OPHN1: variants seen among roughly 807,000 people sequenced by gnomAD.
The protein encoded by OPHN1 is oligophrenin 1.
Under a neutral mutation model 60.7 loss-of-function variants are expected in OPHN1, and 11 were observed. That is an observed-to-expected ratio of 0.18 (90% CI 0.11 to 0.30). The LOEUF is 0.30. OPHN1 is among the 10% of genes least tolerant of loss of function. The pLI is 1.00. For missense variants in OPHN1, 449 were observed against 611.0 expected (o/e 0.73, Z 2.80); for synonymous variants, 226 against 222.6 (o/e 1.02, Z -0.14).
intron 2 of OPHN1, among the ~76,000 whole-genome samples, chrX:68,399,987 C>G (rs1489885005): frequency 9.1e-6 from 1 of 110,352 alleles, no homozygotes; most frequent in Non-Finnish European, 1.9e-5. Context: ...TGGTTGCTTT[C>G]TGTAACCAAT....
intron 5 of OPHN1, among the ~76,000 whole-genome samples, chrX:68,262,819 C>A (rs75468749): frequency 6.7e-5 from 6 of 89,316 alleles, no homozygotes; most frequent in African/African-American, 1.1e-4. Context: ...CAGGACAGGA[C>A]AAGAAAGGAA....
intron 15 of OPHN1, among the ~76,000 whole-genome samples, chrX:68,122,011 C>A (rs1398070734): frequency 9.1e-6 from 1 of 109,559 alleles, no homozygotes; most frequent in African/African-American, 3.3e-5. Context: ...CCCTAAATAA[C>A]CAGAAGCAAA....
At chrX:68,201,994 T>C (rs1442936130) in intron 10 of OPHN1, among the ~76,000 whole-genome samples, 1 of 111,726 alleles carries the variant, frequency 9.0e-6, no homozygotes, top group Non-Finnish European at 1.9e-5. Flanking sequence ...TCAATACATA[T>C]CATGTAAGGG....
At chrX:68,308,455 G>C (rs754204867) in intron 2 of OPHN1, among the ~76,000 whole-genome samples, 2 of 109,031 alleles carry the variant, frequency 1.8e-5, no homozygotes, top group Non-Finnish European at 3.8e-5. Flanking sequence ...AGGCAGGCGT[G>C]GTGGTGTGTG....
chrX:68,294,883 T>A (rs1174928521), intron 3 of OPHN1, among the ~76,000 whole-genome samples: 3 of 112,079 alleles, frequency 2.7e-5, no homozygotes, highest in Admixed American at 1.9e-4. Context: ...AAAGTGTCTG[T>A]TTCTCTCGTT....
At chrX:68,167,244 G>A (rs1189044818) in intron 15 of OPHN1, among the ~76,000 whole-genome samples, 1 of 111,228 alleles carries the variant, frequency 9.0e-6, no homozygotes, top group Non-Finnish European at 1.9e-5. Context: ...TATATGAAAA[G>A]GTGCTTAATG....
chrX:68,163,051 C>T (rs959821087), intron 15 of OPHN1, among the ~76,000 whole-genome samples: 3 of 110,757 alleles, frequency 2.7e-5, no homozygotes, highest in East Asian at 2.8e-4. Context: ...TAGGCTTTCG[C>T]GAACTCCAAC....
At chrX:68,316,849 T>G (rs1363023543) in intron 2 of OPHN1, among the ~76,000 whole-genome samples, 1 of 112,072 alleles carries the variant, frequency 8.9e-6, no homozygotes, top group Non-Finnish European at 1.9e-5. Flanking sequence ...CAATATAACA[T>G]TTATAAATTT....
intron 5 of OPHN1, among the ~76,000 whole-genome samples, chrX:68,260,520 T>G (rs1233139577): frequency 1.8e-5 from 2 of 111,241 alleles, no homozygotes; most frequent in East Asian, 5.6e-4. Context: ...AAATCTGTTT[T>G]AAACTAGCTT....
intron 15 of OPHN1, among the ~76,000 whole-genome samples, chrX:68,182,943 C>G (rs966759769): frequency 5.9e-4 from 66 of 111,701 alleles, no homozygotes; most frequent in African/African-American, 2.1e-3. Context: ...AACAGAGGCT[C>G]TGCCCAAGAA....
chrX:68,147,899 G>A (rs2077270280), intron 15 of OPHN1, among the ~76,000 whole-genome samples: 1 of 111,409 alleles, frequency 9.0e-6, no homozygotes, highest in African/African-American at 3.3e-5. Flanking sequence ...TGTAATCAAG[G>A]ATCTCTAAAG....
At chrX:68,183,347 T>C (rs2077447015) in intron 15 of OPHN1, among the ~76,000 whole-genome samples, 1 of 111,829 alleles carries the variant, frequency 8.9e-6, no homozygotes, top group Admixed American at 9.5e-5. Flanking sequence ...ATACAAAGAA[T>C]TGTTGACCTG....
Position 68,079,286 on chromosome X carries a change from T to C in OPHN1, c.1687-5987A>G, listed in dbSNP as rs889105529. On this transcript the variant is annotated intron_variant, in intron 19 of 24. Coordinates refer to ENST00000355520, the MANE Select transcript of OPHN1 (RefSeq NM_002547.3). ...CTACTCTCCACTGCCATCACATTCA[T>C]TTTCTTCTACACTTTCCAGACAGTT... Among the ~76,000 whole-genome samples the C allele has an allele frequency of 4.5e-5, 5 of 111,425 alleles. No individual in the cohort carries two copies. The East Asian group carries it at 1.4e-3, about 32-fold the overall frequency.
At chrX:68,340,527 T>A (rs957694988) in intron 2 of OPHN1, among the ~76,000 whole-genome samples, 10 of 111,637 alleles carry the variant, frequency 9.0e-5, no homozygotes, top group African/African-American at 2.6e-4. Context: ...AAGTTGTACC[T>A]TACCTCATAC....
intron 2 of OPHN1, among the ~76,000 whole-genome samples, chrX:68,421,852 T>C (rs960081868): frequency 9.0e-6 from 1 of 111,613 alleles, no homozygotes; most frequent in Non-Finnish European, 1.9e-5. Flanking sequence ...CACTCGTTAG[T>C]AATGCCACAC....
At chrX:68,274,863 T>C in intron 4 of OPHN1, 54 bp from the exon 5 acceptor site, 15 of 902,035 alleles carry the variant, frequency 1.7e-5, no homozygotes, top group Non-Finnish European at 2.3e-5. Flanking sequence ...AAGGTTCAGA[T>C]ACAAGATTCC....
intron 15 of OPHN1, among the ~76,000 whole-genome samples, chrX:68,169,463 G>T (rs751752666): frequency 3.7e-5 from 4 of 108,972 alleles, no homozygotes; most frequent in African/African-American, 1.4e-4. Context: ...AAAAGAGCCC[G>T]CATTGCCAAG....
At chrX:68,433,754 C>G (rs1054321161), upstream of OPHN1, 4 of 296,299 alleles carry the variant, frequency 1.3e-5, no homozygotes, top group Admixed American at 2.4e-4. Flanking sequence ...GAAACGTAGC[C>G]TCGCTCCATA....
At chrX:68,241,980 G>A (rs1245429517) in intron 5 of OPHN1, among the ~76,000 whole-genome samples, 3 of 110,681 alleles carry the variant, frequency 2.7e-5, no homozygotes, top group Non-Finnish European at 5.7e-5. Flanking sequence ...ATAGACATAT[G>A]GCCATATCAC....
Sources: gnomAD v4.1 joint callset for allele counts (sites outside exome capture counted in the v4.1 genomes callset) on GRCh38, gnomAD v4.1.1 for gene constraint, MANE v1.5 for transcripts, NCBI Gene and HGNC (gene_info 2026-07-23, HGNC 2026-07-21) for gene names.